NRG2: variants seen among roughly 807,000 people sequenced by gnomAD.
The protein encoded by NRG2 is pro-neuregulin-2, membrane-bound isoform.
In NRG2, 27 loss-of-function variants were observed where a neutral mutation model predicts 73.9. That is an observed-to-expected ratio of 0.37 (90% CI 0.27 to 0.50). NRG2 has a LOEUF of 0.50. Among genes scored for constraint, NRG2 ranks in the 20% least tolerant of loss-of-function variants. The probability of loss-of-function intolerance (pLI) is 0.96; values close to 1 mark genes in which losing one functional copy is unlikely to be tolerated. For synonymous variants in NRG2, 532 were observed against 541.0 expected, an observed-to-expected ratio of 0.98 and a Z score of 0.23; for missense variants, 1,126 against 1,210.1, an observed-to-expected ratio of 0.93 and a Z score of 1.03.
chr5:140,015,683 T>C (rs1381115937), intron 1 of NRG2, among the ~76,000 whole-genome samples: 2 of 152,194 alleles, frequency 1.3e-5, no homozygotes, highest in Non-Finnish European at 2.9e-5. Flanking sequence ...TAATTCTCAA[T>C]TACTAGAAAG....
intron 1 of NRG2, among the ~76,000 whole-genome samples, chr5:140,036,468 C>T (rs779771996): frequency 3.3e-4 from 50 of 152,226 alleles, no homozygotes; most frequent in Non-Finnish European, 6.9e-4. Flanking sequence ...GATTCATCTG[C>T]GTGTATTACT....
At position 139,870,288 on chromosome 5, in the gene NRG2, G is replaced by A. The variant is rs1762756062; in HGVS notation, c.1112+1433C>T. Among the ~76,000 whole-genome samples the A allele has an allele frequency of 6.6e-6, 1 of 152,186 alleles. No individual in the cohort carries two copies. Among genetic ancestry groups the A allele is most frequent in the African/African-American group, 2.4e-5 (1 of 41,444 alleles). On this transcript the variant is annotated intron_variant, in intron 4 of 9. Transcript: ENST00000361474. This position sits in a 1 kb window ranked among gnomAD's most constrained non-coding sequence, Gnocchi z 4.4. ...AGTTTGGGTTGAGAACTTCCCTAGA[G>A]GGCCTGTTGTTGCTACTGGGACTCT...
intron 1 of NRG2, among the ~76,000 whole-genome samples, chr5:140,011,346 C>A (rs1759350239): frequency 6.6e-6 from 1 of 152,226 alleles, no homozygotes; most frequent in Admixed American, 6.5e-5. Context: ...TAGGCAGCCT[C>A]TGAGATGGAC....
chr5:140,042,115 C>T (rs1761968042), intron 1 of NRG2, among the ~76,000 whole-genome samples: 1 of 152,178 alleles, frequency 6.6e-6, no homozygotes, highest in Non-Finnish European at 1.5e-5. Flanking sequence ...ATACATCAGC[C>T]GCAGATCCCC....
chr5:139,869,665 A>T lies in NRG2; in HGVS notation c.1112+2056T>A, dbSNP rs1762708679. 1.3e-5 allele frequency: 2 copies of T among 152,280 alleles called. No individual in the cohort carries two copies. The highest frequency in any genetic ancestry group is 4.8e-5 in the African/African-American group (2 of 41,434). 9.4% of individuals were successfully genotyped at this position (152,280 alleles called of 1,614,324 possible). ...TTGGCTGGAACCAGGGGAGGCTGAGATGGGGAAGTGGTGGCTCTGGGTACC... is the reference window on the plus strand; with the variant it reads ...TTGGCTGGAACCAGGGGAGGCTGAGTTGGGGAAGTGGTGGCTCTGGGTACC... On this transcript the variant is annotated intron_variant, in intron 4 of 9. Transcript: ENST00000361474. This position sits in a 1 kb window ranked among gnomAD's most constrained non-coding sequence, Gnocchi z 4.5.
chr5:139,981,861 C>T (rs1188397222), intron 1 of NRG2, among the ~76,000 whole-genome samples: 1 of 152,188 alleles, frequency 6.6e-6, no homozygotes, highest in African/African-American at 2.4e-5. Flanking sequence ...AGTATCTGCC[C>T]TCCTCCCTGG....
chr5:139,918,093 C>A (rs112096082), intron 1 of NRG2, among the ~76,000 whole-genome samples: 41 of 152,250 alleles, frequency 2.7e-4, no homozygotes, highest in Non-Finnish European at 5.1e-4. Context: ...TTCTTTTGCG[C>A]GTGGATATTC....
intron 1 of NRG2, among the ~76,000 whole-genome samples, chr5:139,972,013 G>C (rs1274856641): frequency 6.6e-6 from 1 of 152,174 alleles, no homozygotes; most frequent in Admixed American, 6.5e-5. Flanking sequence ...TTTTAAAAAT[G>C]ATGTTCAGGT....
At chr5:140,033,322 T>G (rs570043079) in intron 1 of NRG2, among the ~76,000 whole-genome samples, 1 of 152,316 alleles carries the variant, frequency 6.6e-6, no homozygotes, top group Non-Finnish European at 1.5e-5. Flanking sequence ...AGTAAAAATG[T>G]AAGATAAGAC....
chr5:140,013,379 G>T (rs979503935), intron 1 of NRG2, among the ~76,000 whole-genome samples: 1 of 152,050 alleles, frequency 6.6e-6, no homozygotes, highest in Non-Finnish European at 1.5e-5. Context: ...ATAAGCATGC[G>T]TTACTTCTAT....
chr5:140,001,357 A>G (rs1417096515), intron 1 of NRG2, among the ~76,000 whole-genome samples: 1 of 152,194 alleles, frequency 6.6e-6, no homozygotes, highest in Non-Finnish European at 1.5e-5. Context: ...TTTTTCACAC[A>G]TGGTTATCTC....
chr5:140,028,379 A>G (rs55777836), intron 1 of NRG2, among the ~76,000 whole-genome samples: 1 of 152,358 alleles, frequency 6.6e-6, no homozygotes, highest in African/African-American at 2.4e-5. Context: ...TGTAAGTGTT[A>G]CCAATTTTTT....
intron 5 of NRG2, 142 bp from the exon 6 acceptor site, chr5:139,855,920 G>A: frequency 3.1e-6 from 2 of 649,048 alleles, no homozygotes; most frequent in South Asian, 1.8e-5. Flanking sequence ...CTTTTCTCCA[G>A]CCAGTTCCTT....
chr5:139,855,359 C>T (rs1186400558), intron 6 of NRG2, among the ~76,000 whole-genome samples: 1 of 152,206 alleles, frequency 6.6e-6, no homozygotes, highest in East Asian at 1.9e-4. Context: ...CCATGAGGAA[C>T]CATCAATTTG....
chr5:139,894,511 G>A lies in NRG2; in HGVS notation c.701-7000C>T, dbSNP rs577969181. Among the ~76,000 whole-genome samples, 2 of 151,602 alleles carry A rather than the reference G, an allele frequency of 1.3e-5. No homozygotes were observed. The highest frequency in any genetic ancestry group is 1.9e-4 in the East Asian group (1 of 5,168). ...ACAGCTGGTTTAAGTAGGCACAGAC[G>A]GCCTAGGCAGCCAGGCATCCTACCC... On this transcript the variant is annotated intron_variant, in intron 1 of 9. Coordinates refer to ENST00000361474, the MANE Select transcript of NRG2 (RefSeq NM_004883.3). This position sits in a 1 kb window ranked among gnomAD's most constrained non-coding sequence, Gnocchi z 5.0.
intron 1 of NRG2, among the ~76,000 whole-genome samples, chr5:139,890,610 C>T (rs1764159541): frequency 1.3e-5 from 2 of 152,144 alleles, no homozygotes; most frequent in Admixed American, 1.3e-4. Context: ...CTCCCTCCCT[C>T]CTGCATCTGC....
chr5:139,957,307 CTGTG>C (rs70988722), intron 1 of NRG2, among the ~76,000 whole-genome samples: 25,416 of 143,674 alleles, frequency 0.18, 2,221 homozygotes, highest in Middle Eastern at 0.27. Flanking sequence ...TCAAGAATCT[CTGTG>C]TGTGTGTGTG....
intron 3 of NRG2, among the ~76,000 whole-genome samples, chr5:139,880,098 C>G (rs896068432): frequency 3.3e-5 from 5 of 152,120 alleles, no homozygotes; most frequent in Admixed American, 1.3e-4. Context: ...CATGCACACT[C>G]AGTCTGTGTG....
intron 3 of NRG2, among the ~76,000 whole-genome samples, chr5:139,874,644 A>C (rs6885391): frequency 0.077 from 11,782 of 152,250 alleles, 1,229 homozygotes; most frequent in African/African-American, 0.24. Flanking sequence ...TGCAGCAGCC[A>C]CAGTGGTCTT....
Sources: allele counts gnomAD v4.1 joint callset (sites outside exome capture counted in the v4.1 genomes callset), GRCh38; gene constraint gnomAD v4.1.1; non-coding constraint Gnocchi (gnomAD v3.1); transcripts MANE v1.5; gene names NCBI Gene and HGNC (gene_info 2026-07-23, HGNC 2026-07-21).